Variants in SLC25A21 observed in about 807,000 individuals in gnomAD.
SLC25A21 encodes mitochondrial 2-oxodicarboxylate carrier.
In SLC25A21, 47 loss-of-function variants were observed where a neutral mutation model predicts 43.8. The ratio of observed to expected loss-of-function variants is 1.07; its 90% CI spans 0.85 to 1.37. The LOEUF is 1.37. SLC25A21 is among the 40% of genes most tolerant of loss of function. The pLI is 0.00. For missense variants in SLC25A21, 352 were observed against 350.2 expected (o/e 1.00, Z -0.04); for synonymous variants, 131 against 121.3 (o/e 1.08, Z -0.52).
At chr14:37,116,271 T>C (rs1016523466) in intron 1 of SLC25A21, among the ~76,000 whole-genome samples, 4 of 152,180 alleles carry the variant, frequency 2.6e-5, no homozygotes, top group African/African-American at 9.6e-5. Context: ...TACAGACCTA[T>C]GTCCCACTCC....
intron 1 of SLC25A21, among the ~76,000 whole-genome samples, chr14:37,137,496 T>A (rs1321659022): frequency 6.6e-6 from 1 of 152,216 alleles, no homozygotes; most frequent in Non-Finnish European, 1.5e-5. Context: ...ACCAGCTGAT[T>A]TTCTTATAGA....
chr14:36,693,761 G>T (rs1453671874), intron 7 of SLC25A21, among the ~76,000 whole-genome samples: 1 of 151,990 alleles, frequency 6.6e-6, no homozygotes, highest in Non-Finnish European at 1.5e-5. Flanking sequence ...AGCTTCCCGA[G>T]TAGCTGGACT....
chr14:36,724,214 TA>T (rs1032457724), intron 6 of SLC25A21, among the ~76,000 whole-genome samples: 6 of 152,140 alleles, frequency 3.9e-5, no homozygotes, highest in Admixed American at 2.0e-4. Context: ...TTTTGAAATG[TA>T]AAAAAAATTC....
chr14:36,734,246 T>C (rs1187788524), intron 4 of SLC25A21, among the ~76,000 whole-genome samples: 1 of 152,204 alleles, frequency 6.6e-6, no homozygotes, highest in African/African-American at 2.4e-5. Context: ...GTTTGATTAC[T>C]AGAATTTTAT....
At chr14:36,925,297 A>G (rs1277407838) in intron 1 of SLC25A21, among the ~76,000 whole-genome samples, 2 of 152,192 alleles carry the variant, frequency 1.3e-5, no homozygotes, top group African/African-American at 4.8e-5. Flanking sequence ...TGGTTGTCCA[A>G]TTAAATTAAG....
chr14:36,914,401 G>A (rs982333333), intron 1 of SLC25A21, among the ~76,000 whole-genome samples: 1 of 152,160 alleles, frequency 6.6e-6, no homozygotes, highest in Non-Finnish European at 1.5e-5. Context: ...CTACAGAAAA[G>A]GATGATTAAT....
chr14:37,031,394 T>C (rs183699199), intron 1 of SLC25A21, among the ~76,000 whole-genome samples: 1 of 152,362 alleles, frequency 6.6e-6, no homozygotes, highest in Admixed American at 6.5e-5. Flanking sequence ...GTTATTTTCT[T>C]AAATATTATT....
intron 1 of SLC25A21, among the ~76,000 whole-genome samples, chr14:36,899,360 G>T (rs148519752): frequency 6.6e-6 from 1 of 152,316 alleles, no homozygotes; most frequent in African/African-American, 2.4e-5. Flanking sequence ...TCTAATAAAG[G>T]AAGACAAATT....
chr14:36,843,399 G>GTAGC (rs1889445477), intron 2 of SLC25A21, among the ~76,000 whole-genome samples: 1 of 152,168 alleles, frequency 6.6e-6, no homozygotes, highest in East Asian at 1.9e-4. Flanking sequence ...AATCAGGTAG[G>GTAGC]TAGCTAGTCA....
chr14:37,164,207 G>GT (rs1963995405), intron 1 of SLC25A21, among the ~76,000 whole-genome samples: 1 of 152,064 alleles, frequency 6.6e-6, no homozygotes, highest in African/African-American at 2.4e-5. Context: ...CTCATATTTT[G>GT]TTTGTTCTTA....
chr14:36,744,327 C>A (rs1885402856), intron 3 of SLC25A21, among the ~76,000 whole-genome samples: 1 of 151,996 alleles, frequency 6.6e-6, no homozygotes, highest in East Asian at 1.9e-4. Context: ...ATGGCATTAG[C>A]ACAAAAACAG....
intron 1 of SLC25A21, among the ~76,000 whole-genome samples, chr14:36,971,086 G>T (rs1392254105): frequency 6.6e-6 from 1 of 152,120 alleles, no homozygotes; most frequent in African/African-American, 2.4e-5. Flanking sequence ...AACATGTGAG[G>T]TCATTAGGTG....
intron 1 of SLC25A21, among the ~76,000 whole-genome samples, chr14:37,030,964 C>A (rs1462526515): frequency 6.6e-6 from 1 of 152,136 alleles, no homozygotes; most frequent in Non-Finnish European, 1.5e-5. Context: ...TGAGATTGTG[C>A]AGGAAATGGG....
chr14:36,974,005 A>G (rs1191880064), intron 1 of SLC25A21, among the ~76,000 whole-genome samples: 1 of 152,200 alleles, frequency 6.6e-6, no homozygotes, highest in Non-Finnish European at 1.5e-5. Flanking sequence ...TATTTTAGTG[A>G]CTAAGGCTAC....
chr14:36,705,386 C>G (rs1178691351), intron 7 of SLC25A21, among the ~76,000 whole-genome samples: 1 of 152,062 alleles, frequency 6.6e-6, no homozygotes, highest in East Asian at 1.9e-4. Context: ...GCAAACATAG[C>G]CTTAGAATTA....
chr14:36,742,955 C>T (rs1409367080), intron 3 of SLC25A21, among the ~76,000 whole-genome samples: 1 of 152,048 alleles, frequency 6.6e-6, no homozygotes, highest in Non-Finnish European at 1.5e-5. Context: ...ATGATTTTAC[C>T]ACAACAATGA....
At chr14:36,821,735 T>C (rs1487253607) in intron 2 of SLC25A21, among the ~76,000 whole-genome samples, 2 of 152,178 alleles carry the variant, frequency 1.3e-5, no homozygotes, top group Admixed American at 6.5e-5. Flanking sequence ...GAGAATCAGT[T>C]GAACCCAGGA....
intron 1 of SLC25A21, among the ~76,000 whole-genome samples, chr14:37,092,030 G>A (rs1962596805): frequency 6.6e-6 from 1 of 152,168 alleles, no homozygotes; most frequent in African/African-American, 2.4e-5. Flanking sequence ...GGGAGGCTGA[G>A]GTGGGGGGAT....
chr14:37,093,625 G>A (rs1465447859), intron 1 of SLC25A21, among the ~76,000 whole-genome samples: 2 of 152,172 alleles, frequency 1.3e-5, no homozygotes, highest in Non-Finnish European at 2.9e-5. Context: ...AAAATTCATT[G>A]CGTGTAAGAA....
Sources: allele counts gnomAD v4.1 joint callset (sites outside exome capture counted in the v4.1 genomes callset), GRCh38; gene constraint gnomAD v4.1.1; transcripts MANE v1.5; gene names NCBI Gene and HGNC (gene_info 2026-07-23, HGNC 2026-07-21).